Variants in HMCN1 observed in about 807,000 individuals in gnomAD.
HMCN1 encodes the protein hemicentin-1.
HMCN1 carries 321 observed loss-of-function variants against 625.9 expected under a neutral mutation model. The observed-to-expected ratio is 0.51, with a 90% confidence interval of 0.47 to 0.56. HMCN1 has a LOEUF of 0.56. Among genes scored for constraint, HMCN1 ranks in the 20% least tolerant of loss-of-function variants. The probability of loss-of-function intolerance (pLI) is 0.00; values close to 1 mark genes in which losing one functional copy is unlikely to be tolerated. For synonymous variants in HMCN1, 2,425 were observed against 2,417.6 expected (o/e 1.00, Z -0.09); for missense variants, 6,588 against 6,887.3 (o/e 0.96, Z 1.54).
intron 1 of HMCN1, among the ~76,000 whole-genome samples, chr1:185,837,005 GGTGTGTGT>G (rs60299246): frequency 1.4e-5 from 2 of 142,932 alleles, no homozygotes; most frequent in Non-Finnish European, 3.1e-5. Context: ...TATATTCCAT[GGTGTGTGT>G]GTGTGTGTGT....
intron 104 of HMCN1, among the ~76,000 whole-genome samples, chr1:186,180,899 T>C (rs1652890778): frequency 6.6e-6 from 1 of 152,178 alleles, no homozygotes; most frequent in Admixed American, 6.5e-5. Flanking sequence ...CAACTTGCAA[T>C]AAGCACCAAA....
chr1:185,950,327 C>T (rs1012605925), intron 11 of HMCN1, among the ~76,000 whole-genome samples: 1 of 151,762 alleles, frequency 6.6e-6, no homozygotes, highest in Non-Finnish European at 1.5e-5. Flanking sequence ...GTGAGTTGAG[C>T]ATAGTTTGTG....
intron 1 of HMCN1, among the ~76,000 whole-genome samples, chr1:185,785,106 G>C (rs186781731): frequency 2.0e-5 from 3 of 152,180 alleles, no homozygotes; most frequent in Admixed American, 6.5e-5. Context: ...GACTGCTTCT[G>C]GCTTTGGGAA....
At chr1:185,893,003 A>T (rs1485238519) in intron 4 of HMCN1, among the ~76,000 whole-genome samples, 1 of 152,122 alleles carries the variant, frequency 6.6e-6, no homozygotes, top group Non-Finnish European at 1.5e-5. Flanking sequence ...TGCGGGATAT[A>T]ATCTCGTGGT....
chr1:185,796,756 A>G (rs549887980), intron 1 of HMCN1, among the ~76,000 whole-genome samples: 29 of 152,286 alleles, frequency 1.9e-4, no homozygotes, highest in African/African-American at 7.0e-4. Context: ...ATTGATGTAT[A>G]CTTAGGTTGA....
chr1:185,792,976 A>G (rs188520417), intron 1 of HMCN1, among the ~76,000 whole-genome samples: 19 of 152,358 alleles, frequency 1.2e-4, no homozygotes, highest in African/African-American at 4.6e-4. Context: ...AGAATAAACT[A>G]TCTAGTGTAT....
At chr1:185,969,163 G>T (rs2102573407) in intron 14 of HMCN1, among the ~76,000 whole-genome samples, 1 of 152,272 alleles carries the variant, frequency 6.6e-6, no homozygotes, top group South Asian at 2.1e-4. Context: ...TCCTCCTGTG[G>T]TGTGAGGAAA....
chr1:185,956,586 A>G (rs2102545483), intron 11 of HMCN1, among the ~76,000 whole-genome samples: 1 of 152,234 alleles, frequency 6.6e-6, no homozygotes, highest in Middle Eastern at 3.4e-3. Context: ...TATTCTCTGC[A>G]TGTTTAGCTA....
intron 40 of HMCN1, among the ~76,000 whole-genome samples, chr1:186,044,426 G>T (rs1421441164): frequency 6.6e-6 from 1 of 152,064 alleles, no homozygotes; most frequent in East Asian, 1.9e-4. Context: ...AGTGCTCTTT[G>T]GTTCATACCC....
chr1:185,829,316 G>T (rs1673552144), intron 1 of HMCN1, among the ~76,000 whole-genome samples: 1 of 151,400 alleles, frequency 6.6e-6, no homozygotes, highest in Admixed American at 6.6e-5. Flanking sequence ...GGGGATACGT[G>T]TACAGAACGT....
intron 39 of HMCN1, among the ~76,000 whole-genome samples, chr1:186,040,168 G>A (rs2070282): frequency 0.64 from 97,858 of 151,856 alleles, 33,494 homozygotes; most frequent in African/African-American, 0.9. Context: ...ACTTTCTGCT[G>A]CTACCACAAT....
chr1:186,087,962 G>T lies in HMCN1; in HGVS notation c.9394G>T (p.Ala3132Ser). 1.2e-6 allele frequency: 2 copies of T among 1,613,050 alleles called. No individual in the cohort carries two copies. The highest frequency in any genetic ancestry group is 1.7e-6 in the Non-Finnish European group (2 of 1,179,360). The change falls in exon 61 of 107, where the codon GCT becomes TCT. Residue 3132 changes from alanine (A) to serine (S), a missense_variant. By Grantham distance (99) the Ala-to-Ser change is moderately conservative. This residue lies in a region of HMCN1 where 4,628 missense variants were observed against 4,853.1 expected (regional missense o/e 0.95). Coordinates refer to ENST00000271588, the MANE Select transcript of HMCN1 (RefSeq NM_031935.3). ...VSDTGQYVCR[A>S]INVAGRDDKN... ...TGACACAGGCCAGTATGTATGTAGA[G>T]CTATAAATGTAGCAGGACGGGATGA...
intron 1 of HMCN1, among the ~76,000 whole-genome samples, chr1:185,825,161 C>T (rs1439502992): frequency 6.6e-6 from 1 of 151,960 alleles, no homozygotes; most frequent in Non-Finnish European, 1.5e-5. Flanking sequence ...AGATATTAGC[C>T]AAACAGAAAC....
At chr1:186,152,689 G>A in intron 95 of HMCN1, 61 bp from the exon 96 acceptor site, 4 of 1,606,526 alleles carry the variant, frequency 2.5e-6, no homozygotes, top group Non-Finnish European at 3.4e-6. Context: ...AGGTAAATCT[G>A]CTCTGTGCTT....
intron 80 of HMCN1, 149 bp downstream of exon 80, chr1:186,120,294 T>G: frequency 1.1e-6 from 1 of 917,320 alleles, no homozygotes; most frequent in Non-Finnish European, 1.6e-6. Flanking sequence ...TTTCTATCAC[T>G]TTTATGAAGA....
chr1:186,050,791 A>G (rs980815445), intron 42 of HMCN1, among the ~76,000 whole-genome samples: 2 of 152,108 alleles, frequency 1.3e-5, no homozygotes, highest in South Asian at 2.1e-4. Context: ...TTATGCTTCC[A>G]TCTTCTAGGC....
In HMCN1 at chr1:186,093,213, A is replaced by G; in HGVS notation, c.9967A>G (p.Asn3323Asp). 1 of 1,613,370 alleles carries G rather than the reference A, an allele frequency of 6.2e-7. No homozygotes were observed. Among genetic ancestry groups the G allele is most frequent in the Non-Finnish European group, 8.5e-7 (1 of 1,179,582 alleles). The change falls in exon 65 of 107, where the codon AAT (asparagine) becomes GAT (aspartate). Residue 3323 changes from asparagine (N) to aspartate (D), a missense_variant. Asn to Asp is a conservative substitution (Grantham distance 23). This residue lies in a region of HMCN1 where 4,628 missense variants were observed against 4,853.1 expected (regional missense o/e 0.95). Coordinates refer to ENST00000271588, the MANE Select transcript of HMCN1 (RefSeq NM_031935.3). ...DTGKYTCVAT[N>D]PAGEEDRIFN... ...GGGGAAATACACATGTGTTGCTACT[A>G]ATCCCGCTGGAGAAGAAGACCGAAT...
intron 105 of HMCN1, among the ~76,000 whole-genome samples, chr1:186,186,992 TCTCACA>T (rs1365789665): frequency 0.014 from 1,306 of 95,476 alleles, 26 homozygotes; most frequent in African/African-American, 0.054. Context: ...TCTGTCTCTG[TCTCACA>T]CACACACACA....
chr1:185,743,627 A>G (rs534643462), intron 1 of HMCN1, among the ~76,000 whole-genome samples: 48 of 152,380 alleles, frequency 3.2e-4, no homozygotes, highest in Middle Eastern at 6.8e-3. Context: ...GTGTTCTCAC[A>G]AATCTACAGG....
Sources: gnomAD v4.1 joint callset for allele counts (sites outside exome capture counted in the v4.1 genomes callset) on GRCh38, gnomAD v4.1.1 for gene constraint, gnomAD v4.1.1 regional missense constraint, MANE v1.5 for transcripts, NCBI Gene and HGNC (gene_info 2026-07-23, HGNC 2026-07-21) for gene names.